Variants in POLR3B observed in about 807,000 individuals in gnomAD.
POLR3B encodes the protein RNA polymerase III subunit B.
Under a neutral mutation model 147.4 loss-of-function variants are expected in POLR3B, and 96 were observed. The ratio of observed to expected loss-of-function variants is 0.65; its 90% CI spans 0.55 to 0.77. The LOEUF (loss-of-function observed/expected upper bound fraction) is 0.77. Ranked by LOEUF, POLR3B falls within the 30% of genes least tolerant of loss-of-function variation. The probability of loss-of-function intolerance (pLI) is 0.00; values close to 1 mark genes in which losing one functional copy is unlikely to be tolerated. For missense variants in POLR3B, 1,036 were observed against 1,413.5 expected, an observed-to-expected ratio of 0.73 and a Z score of 4.28; for synonymous variants, 461 against 485.9, an observed-to-expected ratio of 0.95 and a Z score of 0.67.
chr12:106,398,324 A>C (rs1296122661), intron 10 of POLR3B, among the ~76,000 whole-genome samples: 4 of 152,192 alleles, frequency 2.6e-5, no homozygotes, highest in Non-Finnish European at 5.9e-5. Context: ...TAGGTAAACA[A>C]AGCGGCTGGG....
At chr12:106,497,469 A>T (rs1317355863) in intron 25 of POLR3B, among the ~76,000 whole-genome samples, 1 of 152,192 alleles carries the variant, frequency 6.6e-6, no homozygotes, top group Non-Finnish European at 1.5e-5. Flanking sequence ...TCGTCTCAAA[A>T]AATATAAAGT....
chr12:106,507,235 G>A (rs377169621), intron 27 of POLR3B, among the ~76,000 whole-genome samples: 8 of 152,230 alleles, frequency 5.3e-5, no homozygotes, highest in East Asian at 1.9e-4. Context: ...TAAAAAAGCC[G>A]TTCATTTTAT....
chr12:106,366,653 T>C lies in POLR3B; in HGVS notation c.163-5T>C, dbSNP rs776245705. On this transcript the variant is annotated splice_polypyrimidine_tract_variant and splice_region_variant and intron_variant, in intron 3 of 27. Coordinates refer to ENST00000228347, the MANE Select transcript of POLR3B (RefSeq NM_018082.6). ...TCTTTGCTAATGTTGCATTTTCCACTGCAGATAAAGAAGATAATGAAAGCC... is the reference window on the plus strand; with the variant it reads ...TCTTTGCTAATGTTGCATTTTCCACCGCAGATAAAGAAGATAATGAAAGCC... 3.1e-6 allele frequency: 5 copies of C among 1,613,142 alleles called. No homozygotes were observed. Among genetic ancestry groups the C allele is most frequent in the Non-Finnish European group, 8.5e-7 (1 of 1,179,110 alleles).
rs1376079955 is a variant in POLR3B at position 106,445,186 on chromosome 12, A to G, written c.2083+596A>G. Among the ~76,000 whole-genome samples, 5 of 152,182 alleles carry G rather than the reference A, an allele frequency of 3.3e-5. No homozygotes were observed. In the East Asian group the frequency reaches 9.6e-4, roughly 29 times the overall value. On this transcript the variant is annotated intron_variant, in intron 19 of 27. Coordinates refer to ENST00000228347, the MANE Select transcript of POLR3B (RefSeq NM_018082.6). Reference sequence around the variant, plus strand: ...TCATTTGTAACATTTATTGAGCATAACTGTAGACTAGACATGAGGCTGGAG... The same window carrying G: ...TCATTTGTAACATTTATTGAGCATAGCTGTAGACTAGACATGAGGCTGGAG...
At chr12:106,391,046 T>G (rs1169210495) in intron 9 of POLR3B, among the ~76,000 whole-genome samples, 1 of 152,156 alleles carries the variant, frequency 6.6e-6, no homozygotes, top group African/African-American at 2.4e-5. Flanking sequence ...GCAAGACCGC[T>G]TCACCAAAGA....
intron 22 of POLR3B, among the ~76,000 whole-genome samples, chr12:106,462,616 G>C (rs2037954389): frequency 6.6e-6 from 1 of 152,228 alleles, no homozygotes; most frequent in Non-Finnish European, 1.5e-5. Flanking sequence ...TTAAGTAAAA[G>C]TGTGAACGAC....
At position 106,509,641 on chromosome 12, in the gene POLR3B, G is replaced by T. The variant is rs1362239738; in HGVS notation, c.*92G>T. 16 of 1,167,234 alleles carry T rather than the reference G, an allele frequency of 1.4e-5. No homozygotes were observed. The highest frequency in any genetic ancestry group is 1.1e-5 in the Non-Finnish European group (9 of 798,006). 72.3% of individuals were successfully genotyped at this position (1,167,234 alleles called of 1,614,324 possible). A position where few individuals can be genotyped will look rare whatever the true frequency, so the allele number is the denominator to read the frequency against. On this transcript the variant is annotated 3_prime_UTR_variant, in exon 28 of 28. Coordinates refer to ENST00000228347, the MANE Select transcript of POLR3B (RefSeq NM_018082.6). ...TTAGGACTACGTCTCCTCCTGTGAA[G>T]AATTCCCTTGCGTATTCTCTCTCTA...
intron 23 of POLR3B, among the ~76,000 whole-genome samples, chr12:106,483,112 A>G (rs1028465714): frequency 3.3e-5 from 5 of 152,212 alleles, no homozygotes; most frequent in African/African-American, 1.2e-4. Flanking sequence ...CATATATTCA[A>G]GTCCCACAGT....
At chr12:106,427,096 T>C (rs1035454891) in intron 12 of POLR3B, 101 bp from the exon 13 acceptor site, 6 of 795,854 alleles carry the variant, frequency 7.5e-6, no homozygotes, top group Non-Finnish European at 4.0e-6. Flanking sequence ...TTAAGCAGTT[T>C]CTCCATCTTA....
intron 2 of POLR3B, among the ~76,000 whole-genome samples, chr12:106,365,417 G>A (rs1405513344): frequency 6.6e-6 from 1 of 152,144 alleles, no homozygotes; most frequent in African/African-American, 2.4e-5. Context: ...ACCAGGTCTT[G>A]CTACATTGCC....
intron 6 of POLR3B, among the ~76,000 whole-genome samples, chr12:106,375,482 C>T (rs1251527451): frequency 2.0e-5 from 3 of 152,198 alleles, no homozygotes; most frequent in African/African-American, 7.2e-5. Context: ...CTCTATCCTT[C>T]CCTGACTCTT....
At chr12:106,360,428 T>C (rs1456694983) in intron 1 of POLR3B, among the ~76,000 whole-genome samples, 1 of 152,260 alleles carries the variant, frequency 6.6e-6, no homozygotes, top group East Asian at 1.9e-4. Flanking sequence ...CTCCCCTTCC[T>C]ATTTGTAGAT....
At chr12:106,444,669 T>G in intron 19 of POLR3B, 79 bp downstream of exon 19, 2 of 1,455,902 alleles carry the variant, frequency 1.4e-6, no homozygotes, top group South Asian at 2.3e-5. Flanking sequence ...TATTCCTGCT[T>G]CACCAGTATT....
intron 27 of POLR3B, among the ~76,000 whole-genome samples, chr12:106,508,187 T>C (rs1252748345): frequency 6.6e-6 from 1 of 152,216 alleles, no homozygotes; most frequent in Admixed American, 6.5e-5. Context: ...TTCTTCTATC[T>C]AAATGTCCCA....
At chr12:106,430,180 A>C in intron 13 of POLR3B, 93 bp from the exon 14 acceptor site, 2 of 872,918 alleles carry the variant, frequency 2.3e-6, no homozygotes, top group Middle Eastern at 6.2e-4. Flanking sequence ...GTAAGCATGA[A>C]GCTCCTGTAA....
intron 9 of POLR3B, among the ~76,000 whole-genome samples, chr12:106,386,906 CA>C (rs11320428): frequency 0.33 from 48,531 of 144,934 alleles, 10,085 homozygotes; most frequent in African/African-American, 0.6. Flanking sequence ...GACTCTGTCT[CA>C]AAAAAAAAAA....
At chr12:106,447,466 T>G (rs1008907400) in intron 19 of POLR3B, among the ~76,000 whole-genome samples, 2 of 152,168 alleles carry the variant, frequency 1.3e-5, no homozygotes, top group Non-Finnish European at 2.9e-5. Context: ...ACTGTGCCAC[T>G]GAGAAGCACT....
At chr12:106,412,957 A>G (rs10861599) in intron 12 of POLR3B, among the ~76,000 whole-genome samples, 59,821 of 152,014 alleles carry the variant, frequency 0.39, 13,994 homozygotes, top group African/African-American at 0.65. Context: ...TGTCTATTCA[A>G]GTCCTTTGCC....
chr12:106,501,742 T>A (rs2038605166), intron 26 of POLR3B, among the ~76,000 whole-genome samples: 1 of 152,242 alleles, frequency 6.6e-6, no homozygotes, highest in South Asian at 2.1e-4. Context: ...TACAAGAAGA[T>A]GTGTATGTAT....
Sources: gnomAD v4.1 joint callset for allele counts (sites outside exome capture counted in the v4.1 genomes callset) on GRCh38, gnomAD v4.1.1 for gene constraint, MANE v1.5 for transcripts, NCBI Gene and HGNC (gene_info 2026-07-23, HGNC 2026-07-21) for gene names.